The following MICAL3 variants were observed in gnomAD, a reference collection of about 807,000 sequenced individuals.
MICAL3 encodes the protein microtubule associated monooxygenase, calponin and LIM domain containing 3.
A neutral mutation model predicts 207.4 loss-of-function variants in MICAL3; 62 were observed. The ratio of observed to expected loss-of-function variants is 0.30; its 90% CI spans 0.24 to 0.37. The LOEUF (loss-of-function observed/expected upper bound fraction) is 0.37, where lower values mean the gene tolerates loss of function less well. Ranked by LOEUF, MICAL3 falls within the 10% of genes least tolerant of loss-of-function variation. MICAL3 has a pLI of 1.00. For missense variants in MICAL3, 2,368 were observed against 2,635.6 expected (o/e 0.90, Z 2.22); for synonymous variants, 1,077 against 1,069.3 (o/e 1.01, Z -0.14).
chr22:17,916,418 C>T (rs1255192436), intron 1 of MICAL3, among the ~76,000 whole-genome samples: 3 of 152,292 alleles, frequency 2.0e-5, no homozygotes, highest in East Asian at 1.9e-4. Context: ...TGACCCCACC[C>T]GCTCCAACTA....
chr22:17,851,466 C>CTT (rs1306253380), intron 19 of MICAL3, among the ~76,000 whole-genome samples: 3 of 152,192 alleles, frequency 2.0e-5, no homozygotes, highest in Non-Finnish European at 4.4e-5. Context: ...TTCTCATCAT[C>CTT]TTTGTGTTCC....
intron 1 of MICAL3, among the ~76,000 whole-genome samples, chr22:17,995,657 C>T (rs1233960678): frequency 6.6e-6 from 1 of 151,854 alleles, no homozygotes; most frequent in East Asian, 1.9e-4. Flanking sequence ...AAGTGTGCAA[C>T]ACCCACACCT....
rs537100456 is a variant in MICAL3 at position 17,874,687 on chromosome 22, C to T, written c.2242-2664G>A. ...CTCATAAAAAATAGCAGAAATGTGG[C>T]AATTGCGGGATCGATCCCACCGCAC... On this transcript the variant is annotated intron_variant, in intron 16 of 31. Transcript: ENST00000441493. Among the ~76,000 whole-genome samples, 54 of 152,280 alleles carry T rather than the reference C, an allele frequency of 3.5e-4. 1 individual carries two copies. In the Middle Eastern group the frequency reaches 0.014, roughly 38 times the overall value.
At chr22:17,803,872 G>C in intron 29 of MICAL3, 8 of 984,944 alleles carry the variant, frequency 8.1e-6, no homozygotes, top group Non-Finnish European at 9.6e-6. Flanking sequence ...CTACAACAAG[G>C]AATCGGTGAA....
intron 20 of MICAL3, among the ~76,000 whole-genome samples, chr22:17,832,954 G>A (rs1010990308): frequency 5.3e-5 from 8 of 152,198 alleles, no homozygotes; most frequent in African/African-American, 1.9e-4. Context: ...TGGGGAAAGG[G>A]TGGAGACAAA....
At position 17,831,944 on chromosome 22, in the gene MICAL3, G is replaced by T. The variant is rs769822820; in HGVS notation, c.2965C>A (p.Pro989Thr). 1.3e-6 allele frequency: 2 copies of T among 1,576,732 alleles called. No homozygotes were observed. The highest frequency in any genetic ancestry group is 2.3e-5 in the East Asian group (1 of 43,276). Reference protein sequence around the residue: ...EELEASKSFGPGNEEEEEEEE... With the variant: ...EELEASKSFGTGNEEEEEEEE... ...TCCTCCTCCTCCTCTTCATTCCCAGGCCCAAAGCTCTTTGAGGCCTCTAGC... is the reference window on the plus strand; with the variant it reads ...TCCTCCTCCTCCTCTTCATTCCCAGTCCCAAAGCTCTTTGAGGCCTCTAGC... Residue 989 changes from proline to threonine, a missense_variant, in exon 21 of 32, where the codon CCT (proline) becomes ACT (threonine). This residue lies in a region of MICAL3 where 1,770 missense variants were observed against 1,863.2 expected (regional missense o/e 0.95). Coordinates refer to ENST00000441493, the MANE Select transcript of MICAL3 (RefSeq NM_015241.3).
intron 16 of MICAL3, among the ~76,000 whole-genome samples, chr22:17,884,644 A>G (rs1929720332): frequency 6.6e-6 from 1 of 152,222 alleles, no homozygotes; most frequent in Non-Finnish European, 1.5e-5. Context: ...CTAAGCCACT[A>G]ATTCTGATTT....
intron 27 of MICAL3, chr22:17,815,381 CCA>C (rs1234327831): frequency 2.0e-5 from 3 of 152,282 alleles, no homozygotes; most frequent in African/African-American, 7.2e-5. Flanking sequence ...GGTTGAATGT[CCA>C]CACTGTCACC....
chr22:17,864,217 G>A (rs561430704), intron 19 of MICAL3: 3 of 1,008,726 alleles, frequency 3.0e-6, no homozygotes, highest in East Asian at 9.6e-5. Context: ...AGGTAGAGAT[G>A]GTACTGTTCA....
intron 21 of MICAL3, among the ~76,000 whole-genome samples, chr22:17,831,448 T>C (rs762023465): frequency 6.6e-6 from 1 of 152,188 alleles, no homozygotes; most frequent in African/African-American, 2.4e-5. Flanking sequence ...ACTAAGCTCA[T>C]AGCCACCTCC....
chr22:17,998,136 T>C (rs781151406), intron 1 of MICAL3, among the ~76,000 whole-genome samples: 5 of 152,058 alleles, frequency 3.3e-5, no homozygotes, highest in African/African-American at 7.2e-5. Context: ...ACCCTGTCTC[T>C]ACTAAAAAAT....
Position 17,957,688 on chromosome 22 carries a change from C to T in MICAL3, c.-74-50802G>A, listed in dbSNP as rs146866609. On this transcript the variant is annotated intron_variant, in intron 1 of 31. Transcript: ENST00000441493. ...TCAAGCCACTGCACTCCAACCTGGG[C>T]GACAAGAGTGAAACTATGTCAAAAA... Among the ~76,000 whole-genome samples, 969 of 122,238 alleles carry T rather than the reference C, an allele frequency of 7.9e-3. 8 individuals are homozygous for T. The highest frequency in any genetic ancestry group is 0.029 in the African/African-American group (897 of 31,078). 80.2% of individuals were successfully genotyped at this position (122,238 alleles called of 152,430 possible). A position where few individuals can be genotyped will look rare whatever the true frequency, so the allele number is the denominator to read the frequency against.
chr22:17,824,440 G>A (rs1247714722), intron 22 of MICAL3, among the ~76,000 whole-genome samples: 1 of 152,246 alleles, frequency 6.6e-6, no homozygotes, highest in Non-Finnish European at 1.5e-5. Flanking sequence ...CACAGGCCAG[G>A]CACTTAGAAG....
Position 17,841,705 on chromosome 22 carries a change from C to A in MICAL3, c.2801+117G>T, listed in dbSNP as rs895216460. 9 of 1,034,390 alleles carry A rather than the reference C, an allele frequency of 8.7e-6. No homozygotes were observed. 64.1% of individuals were successfully genotyped at this position (1,034,390 alleles called of 1,614,324 possible). ...AAAAGGGACTGGGGAGAATGGACTG[C>A]GGGCAGCAGGAAAGACAGGAGGCCT... On this transcript the variant is annotated intron_variant, in intron 20 of 31. Transcript: ENST00000441493. This position sits in a 1 kb window ranked among gnomAD's most constrained non-coding sequence, Gnocchi z 4.2.
At chr22:17,982,219 AAC>A (rs1380228799) in intron 1 of MICAL3, among the ~76,000 whole-genome samples, 2 of 152,368 alleles carry the variant, frequency 1.3e-5, no homozygotes, top group Middle Eastern at 3.4e-3. Flanking sequence ...CACTTGTGGA[AAC>A]ACAGCACAGC....
rs1473918172 is a variant in MICAL3, at chr22:17,793,349, G to C, written c.5651-2048C>G. On this transcript the variant is annotated intron_variant, in intron 29 of 31. Transcript: ENST00000441493. This position sits in a 1 kb window ranked among gnomAD's most constrained non-coding sequence, Gnocchi z 4.1. ...AGGGCACTGGTGTAGATCAGTCTTT[G>C]TAAGGACAGTATTCCTTGACTCTCC... Among the ~76,000 whole-genome samples, 2 of 148,148 alleles carry C rather than the reference G, an allele frequency of 1.3e-5. No individual in the cohort carries two copies. The highest frequency in any genetic ancestry group is 3.0e-5 in the Non-Finnish European group (2 of 66,074).
intron 29 of MICAL3, among the ~76,000 whole-genome samples, chr22:17,804,163 G>C (rs1381498582): frequency 3.3e-5 from 5 of 152,192 alleles, no homozygotes; most frequent in Non-Finnish European, 7.3e-5. Flanking sequence ...GATCAGCCAG[G>C]ACAGAGGCTT....
At chr22:17,983,418 A>T (rs1214276198) in intron 1 of MICAL3, 1 of 139,228 alleles carries the variant, frequency 7.2e-6, no homozygotes, top group Non-Finnish European at 1.5e-5. Flanking sequence ...ACTCATCTCT[A>T]CCTATTATCC....
In MICAL3 at chr22:17,822,776, C is replaced by T. The variant is rs996249384; in HGVS notation, c.3307+171G>A. On this transcript the variant is annotated intron_variant, in intron 23 of 31. Transcript: ENST00000441493. Reference sequence around the variant, plus strand: ...TGACTGCAGGCCAAGTCGCCTGGTGCTCGTGGGTAGGTGGTGGTTGGGTGG... The same window carrying T: ...TGACTGCAGGCCAAGTCGCCTGGTGTTCGTGGGTAGGTGGTGGTTGGGTGG... Among the ~76,000 whole-genome samples the T allele has an allele frequency of 2.6e-5, 4 of 152,292 alleles. No homozygotes were observed. In the East Asian group the frequency reaches 7.7e-4, roughly 29 times the overall value.
Sources: allele counts gnomAD v4.1 joint callset (sites outside exome capture counted in the v4.1 genomes callset), GRCh38; gene constraint gnomAD v4.1.1; regional missense constraint gnomAD v4.1.1; non-coding constraint Gnocchi (gnomAD v3.1); transcripts MANE v1.5; gene names NCBI Gene and HGNC (gene_info 2026-07-23, HGNC 2026-07-21).